The following SFXN5 variants were observed in gnomAD, a reference collection of about 807,000 sequenced individuals.
SFXN5 encodes sideroflexin 5, also known as sideroflexin-5.
In SFXN5, 43 loss-of-function variants were observed where a neutral mutation model predicts 50.2. That is an observed-to-expected ratio of 0.86 (90% CI 0.67 to 1.11). SFXN5 has a LOEUF of 1.11. Ranked by LOEUF, SFXN5 falls within the 50% of genes least tolerant of loss-of-function variation. The pLI, the probability that SFXN5 is intolerant of heterozygous loss-of-function variation, is 0.00. For missense variants in SFXN5, 463 were observed against 454.1 expected (o/e 1.02, Z -0.18); for synonymous variants, 203 against 185.8 (o/e 1.09, Z -0.75).
At chr2:73,023,733 A>C (rs1339401324) in intron 3 of SFXN5, among the ~76,000 whole-genome samples, 2 of 152,262 alleles carry the variant, frequency 1.3e-5, no homozygotes, top group Middle Eastern at 3.4e-3. Context: ...GAGTCGTTTA[A>C]GGGGTGAATG....
chr2:73,027,753 C>T (rs1376729592), intron 3 of SFXN5, among the ~76,000 whole-genome samples: 2 of 152,056 alleles, frequency 1.3e-5, no homozygotes, highest in Non-Finnish European at 2.9e-5. Flanking sequence ...TCCACCTCTC[C>T]GGCTCAAGCA....
chr2:73,071,293 G>T (rs1339107529), intron 1 of SFXN5: 2 of 382,960 alleles, frequency 5.2e-6, no homozygotes, highest in Non-Finnish European at 9.5e-6. Context: ...GCTCGAAGCC[G>T]GGCGCTCGGG....
chr2:72,991,225 A>G (rs1008530381), intron 9 of SFXN5, among the ~76,000 whole-genome samples: 5 of 152,232 alleles, frequency 3.3e-5, no homozygotes, highest in Non-Finnish European at 5.9e-5. Flanking sequence ...GGCCTGGCAC[A>G]GCCCAGAGTG....
At chr2:73,012,938 C>A (rs562919711) in intron 6 of SFXN5, among the ~76,000 whole-genome samples, 1 of 152,120 alleles carries the variant, frequency 6.6e-6, no homozygotes, top group Admixed American at 6.5e-5. Flanking sequence ...CCTCTCTGTA[C>A]TATAAAATAT....
intron 2 of SFXN5, among the ~76,000 whole-genome samples, chr2:73,057,285 T>C (rs1682271925): frequency 1.3e-5 from 2 of 152,266 alleles, no homozygotes; most frequent in Admixed American, 6.5e-5. Context: ...ACTACAAGCA[T>C]GCACCACCAC....
intron 6 of SFXN5, among the ~76,000 whole-genome samples, chr2:73,017,777 GT>G: frequency 6.6e-6 from 1 of 152,226 alleles, no homozygotes; most frequent in South Asian, 2.1e-4. Context: ...TCCTAGCTCT[GT>G]CCCCCAAGAG....
intron 2 of SFXN5, chr2:73,053,276 G>A (rs1681636736): frequency 6.5e-6 from 1 of 154,272 alleles, no homozygotes; most frequent in South Asian, 2.0e-4. Flanking sequence ...TATGGTAGAA[G>A]GAATAACAGC....
intron 10 of SFXN5, among the ~76,000 whole-genome samples, chr2:72,979,009 C>T (rs1378677572): frequency 1.3e-5 from 2 of 152,080 alleles, no homozygotes; most frequent in African/African-American, 2.4e-5. Context: ...CCACACAGTA[C>T]GAATGCCTAT....
intron 3 of SFXN5, 52 bp from the exon 4 acceptor site, chr2:73,023,266 T>C: frequency 6.5e-7 from 1 of 1,539,258 alleles, no homozygotes; most frequent in East Asian, 2.4e-5. Context: ...TAAAAGCATA[T>C]ATCGGTTTAA....
chr2:73,037,136 GCACAGTGTGCACCT>G (rs1679089029), intron 3 of SFXN5, among the ~76,000 whole-genome samples: 2 of 152,204 alleles, frequency 1.3e-5, no homozygotes, highest in South Asian at 4.1e-4. Flanking sequence ...TCGATCTCCA[GCACAGTGTGCACCT>G]CCTTGCCTGG....
At chr2:72,995,792 A>T (rs1673150120) in intron 9 of SFXN5, among the ~76,000 whole-genome samples, 1 of 152,156 alleles carries the variant, frequency 6.6e-6, no homozygotes, top group Admixed American at 6.5e-5. Context: ...GGGAAAGGAA[A>T]ATAAAATAAA....
intron 2 of SFXN5, among the ~76,000 whole-genome samples, chr2:73,054,577 T>C (rs1046206039): frequency 6.6e-6 from 1 of 152,168 alleles, no homozygotes; most frequent in East Asian, 1.9e-4. Context: ...ACAGGCAGCA[T>C]GCTACCCTGT....
At chr2:73,047,688 C>T (rs1424578480) in intron 2 of SFXN5, among the ~76,000 whole-genome samples, 2 of 152,082 alleles carry the variant, frequency 1.3e-5, no homozygotes, top group Non-Finnish European at 2.9e-5. Flanking sequence ...CACCTTCTAC[C>T]ATGACTGTGA....
rs1677106985 is a variant in SFXN5, at chr2:73,023,106, C to T, written c.276+82G>A. On this transcript the variant is annotated intron_variant, in intron 4 of 13. Transcript: ENST00000272433. ...AGCCCGAAGAGCCACCGGAGGGGGG[C>T]TTCCACTAGATCCCTGGGACAGGGC... is the stretch of plus-strand genomic sequence containing the variant. The T allele has an allele frequency of 2.2e-5, 31 of 1,421,576 alleles. No homozygotes were observed. In the South Asian group the frequency reaches 3.8e-4, roughly 18 times the overall value. 88.1% of individuals were successfully genotyped at this position (1,421,576 alleles called of 1,614,324 possible).
At chr2:72,996,356 A>G (rs1014635074) in intron 9 of SFXN5, among the ~76,000 whole-genome samples, 3 of 152,106 alleles carry the variant, frequency 2.0e-5, no homozygotes, top group Non-Finnish European at 2.9e-5. Flanking sequence ...CAAGTCCCCC[A>G]GTAACTCTGT....
chr2:73,012,829 A>G (rs1675699008), intron 6 of SFXN5, among the ~76,000 whole-genome samples: 1 of 152,144 alleles, frequency 6.6e-6, no homozygotes, highest in Non-Finnish European at 1.5e-5. Flanking sequence ...AGTAGAGAGT[A>G]GAGTGAAATT....
At chr2:73,064,678 G>A (rs904187136) in intron 1 of SFXN5, among the ~76,000 whole-genome samples, 1 of 152,208 alleles carries the variant, frequency 6.6e-6, no homozygotes, top group African/African-American at 2.4e-5. Flanking sequence ...CCATACCCCA[G>A]AGGGAGCCCT....
intron 1 of SFXN5, among the ~76,000 whole-genome samples, chr2:73,061,886 T>A (rs1034490342): frequency 6.6e-6 from 1 of 152,128 alleles, no homozygotes; most frequent in Non-Finnish European, 1.5e-5. Flanking sequence ...GAGGCTGAAG[T>A]GATAGGATCA....
chr2:73,071,425 G>T, intron 1 of SFXN5, 179 bp downstream of exon 1: 1 of 596,746 alleles, frequency 1.7e-6, no homozygotes, highest in Non-Finnish European at 2.9e-6. Flanking sequence ...GGGAGTCCGC[G>T]CCCGCCCCGT....
Sources: allele counts gnomAD v4.1 joint callset (sites outside exome capture counted in the v4.1 genomes callset), GRCh38; gene constraint gnomAD v4.1.1; transcripts MANE v1.5; gene names NCBI Gene and HGNC (gene_info 2026-07-23, HGNC 2026-07-21).